The following RALYL variants were observed in gnomAD, a reference collection of about 807,000 sequenced individuals.
The protein encoded by RALYL is RALY RNA binding protein like, also known as RNA-binding Raly-like protein.
In RALYL, 29 loss-of-function variants were observed where a neutral mutation model predicts 35.1. The ratio of observed to expected loss-of-function variants is 0.83; its 90% CI spans 0.61 to 1.13. The LOEUF (loss-of-function observed/expected upper bound fraction) is 1.13, where lower values mean the gene tolerates loss of function less well. RALYL is among the 50% of genes most tolerant of loss of function. The pLI is 0.00. For synonymous variants in RALYL, 120 were observed against 127.6 expected (o/e 0.94, Z 0.40); for missense variants, 359 against 360.4 (o/e 1.00, Z 0.03).
intron 1 of RALYL, among the ~76,000 whole-genome samples, chr8:84,498,980 C>T (rs1400191134): frequency 6.6e-6 from 1 of 151,900 alleles, no homozygotes; most frequent in Admixed American, 6.6e-5. Flanking sequence ...GGAAGTTATT[C>T]CCTTGGATAA....
At position 84,920,124 on chromosome 8, in the gene RALYL, G is replaced by A. The variant is rs111591681; in HGVS notation, c.859-770G>A. On this transcript the variant is annotated intron_variant, in intron 8 of 8. Coordinates refer to ENST00000521268, the MANE Select transcript of RALYL (RefSeq NM_173848.7). The stretch of plus-strand genomic sequence containing the variant: ...TCCCATCTGATACCTTGATTTGCAT[G>A]TCTTTGACTCTTAAGACATACACAG... Among the ~76,000 whole-genome samples the A allele has an allele frequency of 9.7e-4, 147 of 152,186 alleles. 1 individual carries two copies. Among genetic ancestry groups the A allele is most frequent in the African/African-American group, 3.4e-3 (140 of 41,544 alleles).
intron 1 of RALYL, among the ~76,000 whole-genome samples, chr8:84,423,723 G>T (rs2045975529): frequency 6.6e-6 from 1 of 151,488 alleles, no homozygotes; most frequent in Admixed American, 6.6e-5. Context: ...CTTCCTTCAG[G>T]AGCTCTTTTA....
intron 2 of RALYL, among the ~76,000 whole-genome samples, chr8:84,723,918 T>G (rs1469538478): frequency 1.3e-5 from 2 of 151,744 alleles, no homozygotes; most frequent in East Asian, 3.9e-4. Flanking sequence ...TTTCTTTGGG[T>G]CACTCTTTCC....
chr8:84,328,843 G>A (rs149926132), intron 1 of RALYL, among the ~76,000 whole-genome samples: 31 of 152,262 alleles, frequency 2.0e-4, no homozygotes, highest in Non-Finnish European at 2.6e-4. Flanking sequence ...CTACTTACAA[G>A]TGAGAACATG....
intron 2 of RALYL, among the ~76,000 whole-genome samples, chr8:84,600,974 G>T (rs1165458063): frequency 1.3e-5 from 2 of 152,098 alleles, no homozygotes; most frequent in Non-Finnish European, 2.9e-5. Context: ...GAAACATTTA[G>T]TAAGTGCCTA....
At chr8:84,703,682 A>G (rs2132349477) in intron 2 of RALYL, among the ~76,000 whole-genome samples, 1 of 152,318 alleles carries the variant, frequency 6.6e-6, no homozygotes, top group Non-Finnish European at 1.5e-5. Flanking sequence ...TTAGTCCATT[A>G]CTGCCTAATC....
chr8:84,879,761 A>G (rs1490230372), intron 7 of RALYL, among the ~76,000 whole-genome samples: 1 of 151,962 alleles, frequency 6.6e-6, no homozygotes, highest in African/African-American at 2.4e-5. Context: ...AGTTAAATAT[A>G]AGGGGGTGAA....
chr8:84,806,934 C>T (rs1437247177), intron 4 of RALYL, among the ~76,000 whole-genome samples: 2 of 152,050 alleles, frequency 1.3e-5, no homozygotes, highest in Non-Finnish European at 2.9e-5. Context: ...TCATTTGAGC[C>T]CAGCAGGTCC....
intron 8 of RALYL, among the ~76,000 whole-genome samples, chr8:84,895,454 C>G (rs532665228): frequency 2.6e-5 from 4 of 151,482 alleles, no homozygotes; most frequent in Admixed American, 2.6e-4. Flanking sequence ...TTTGCCAAGT[C>G]TTTCCGTTTT....
At chr8:84,204,552 G>A (rs1445008663) in intron 1 of RALYL, among the ~76,000 whole-genome samples, 4 of 152,042 alleles carry the variant, frequency 2.6e-5, no homozygotes, top group Admixed American at 2.0e-4. Flanking sequence ...CCTAAATCAA[G>A]TCACCCTGCT....
chr8:84,224,307 C>G (rs1020892361), intron 1 of RALYL, among the ~76,000 whole-genome samples: 28 of 152,284 alleles, frequency 1.8e-4, no homozygotes, highest in African/African-American at 6.0e-4. Context: ...CAGGTTCATT[C>G]TCAAAAAGGT....
At chr8:84,369,462 GAATTCTCT>G (rs1397372255) in intron 1 of RALYL, among the ~76,000 whole-genome samples, 1 of 152,020 alleles carries the variant, frequency 6.6e-6, no homozygotes, top group Non-Finnish European at 1.5e-5. Context: ...CTCTGACTGT[GAATTCTCT>G]CTTCAACCCA....
At chr8:84,424,582 G>T (rs1221521074) in intron 1 of RALYL, among the ~76,000 whole-genome samples, 1 of 151,310 alleles carries the variant, frequency 6.6e-6, no homozygotes, top group African/African-American at 2.5e-5. Context: ...GCTTTGTTCT[G>T]TTGCTGGTGA....
intron 2 of RALYL, among the ~76,000 whole-genome samples, chr8:84,539,929 C>T (rs980726074): frequency 1.4e-5 from 2 of 146,616 alleles, no homozygotes; most frequent in African/African-American, 5.0e-5. Context: ...GACATACACA[C>T]ACACACACAT....
rs201480873 is a variant in RALYL at position 84,581,734 on chromosome 8, TCCTATA to T, written c.256+52158_256+52163del. ...TATTTTATAGGATATTAATAGTATA[TCCTATA>T]AAATGAGATAATCCAAATAAAGCAC... On this transcript the variant is annotated intron_variant, in intron 2 of 8. Coordinates refer to ENST00000521268, the MANE Select transcript of RALYL (RefSeq NM_173848.7). Among the ~76,000 whole-genome samples the T allele has an allele frequency of 2.4e-3, 362 of 152,276 alleles. 2 individuals are homozygous for T. The highest frequency in any genetic ancestry group is 5.6e-3 in the African/African-American group (233 of 41,566).
At chr8:84,800,967 C>A (rs1484201948) in intron 3 of RALYL, among the ~76,000 whole-genome samples, 1 of 152,106 alleles carries the variant, frequency 6.6e-6, no homozygotes, top group East Asian at 1.9e-4. Flanking sequence ...TCATATTCTT[C>A]CCCAAACTCC....
chr8:84,338,911 A>C (rs540866315), intron 1 of RALYL, among the ~76,000 whole-genome samples: 12 of 152,236 alleles, frequency 7.9e-5, no homozygotes, highest in African/African-American at 2.9e-4. Flanking sequence ...AGTAACCTGC[A>C]ATCCCTTCAA....
At chr8:84,197,011 G>T (rs1055860122) in intron 1 of RALYL, among the ~76,000 whole-genome samples, 22 of 152,254 alleles carry the variant, frequency 1.4e-4, no homozygotes, top group Non-Finnish European at 2.1e-4. Context: ...CATCTTCATA[G>T]GATAGGCTTC....
At chr8:84,508,201 G>GA (rs557692148) in intron 1 of RALYL, among the ~76,000 whole-genome samples, 7 of 151,566 alleles carry the variant, frequency 4.6e-5, no homozygotes, top group Admixed American at 6.6e-5. Context: ...CACATGCCTT[G>GA]AAAAAAAATA....
Sources: gnomAD v4.1 joint callset for allele counts (sites outside exome capture counted in the v4.1 genomes callset) on GRCh38, gnomAD v4.1.1 for gene constraint, MANE v1.5 for transcripts, NCBI Gene and HGNC (gene_info 2026-07-23, HGNC 2026-07-21) for gene names.